RAI1: variants seen among roughly 807,000 people sequenced by gnomAD.
RAI1 encodes retinoic acid induced 1, also known as retinoic acid-induced protein 1.
In RAI1, 9 loss-of-function variants were observed where a neutral mutation model predicts 123.8. The ratio of observed to expected loss-of-function variants is 0.07; its 90% CI spans 0.04 to 0.13. The LOEUF is 0.13. Among genes scored for constraint, RAI1 ranks in the 10% least tolerant of loss-of-function variants. The pLI is 1.00. For missense variants in RAI1, 2,256 were observed against 2,545.8 expected, an observed-to-expected ratio of 0.89 and a Z score of 2.45; for synonymous variants, 1,231 against 1,127.3, an observed-to-expected ratio of 1.09 and a Z score of -1.84.
intron 2 of RAI1, among the ~76,000 whole-genome samples, chr17:17,745,504 A>G (rs1287111649): frequency 2.0e-5 from 3 of 151,724 alleles, no homozygotes; most frequent in African/African-American, 4.8e-5. Flanking sequence ...ATCTCGGCTC[A>G]CCGCAACCTC....
At chr17:17,782,380 T>C (rs1042872171) in intron 2 of RAI1, among the ~76,000 whole-genome samples, 1 of 151,376 alleles carries the variant, frequency 6.6e-6, no homozygotes, top group African/African-American at 2.4e-5. Flanking sequence ...GGAGGTGGCG[T>C]TGGGGAGGGC....
In RAI1 at chr17:17,795,728, T is replaced by A. The variant is rs1392032701; in HGVS notation, c.2780T>A (p.Leu927Gln). ...PCHLSGESVILLGPTVGTESK... is the reference protein window; with the variant it reads ...PCHLSGESVIQLGPTVGTESK... ...CACCTCTCAGGGGAGTCCGTCATCC[T>A]GCTGGGCCCTACAGTGGGCACCGAG... is the stretch of plus-strand genomic sequence containing the variant. Residue 927 changes from leucine to glutamine, a missense_variant, in exon 3 of 6, where the codon CTG (leucine) becomes CAG (glutamine). Leu to Gln is a moderately radical substitution (Grantham distance 113, BLOSUM62 -2). Coordinates refer to ENST00000353383, the MANE Select transcript of RAI1 (RefSeq NM_030665.4). The surrounding 1 kb of genome is among the most constrained non-coding windows in gnomAD (Gnocchi z 5.9). The A allele has an allele frequency of 1.2e-6, 2 of 1,613,412 alleles. No individual in the cohort carries two copies. Among genetic ancestry groups the A allele is most frequent in the South Asian group, 2.2e-5 (2 of 91,092 alleles).
chr17:17,713,555 C>T (rs1263013173), intron 1 of RAI1, among the ~76,000 whole-genome samples: 2 of 152,102 alleles, frequency 1.3e-5, no homozygotes, highest in African/African-American at 2.4e-5. Context: ...GCAGGAGAAT[C>T]GCTTGAACCC....
chr17:17,697,510 C>T (rs1256365541), intron 1 of RAI1, among the ~76,000 whole-genome samples: 2 of 152,278 alleles, frequency 1.3e-5, no homozygotes, highest in East Asian at 3.8e-4. Flanking sequence ...ACCTGTTTCA[C>T]TTTACCTGTA....
rs369615949 is a variant in RAI1 at position 17,732,034 on chromosome 17, G to A, written c.-17+7875G>A. On this transcript the variant is annotated intron_variant, in intron 2 of 5. Transcript: ENST00000353383. The stretch of plus-strand genomic sequence containing the variant: ...AATAAGAATGATACCTGGAACCATC[G>A]TGTTCAGAGCTTCCTCTCGGTGAGG... 1.1e-4 allele frequency among the ~76,000 whole-genome samples: 16 copies of A among 152,110 alleles called. No homozygotes were observed. The East Asian group carries it at 2.3e-3, about 22-fold the overall frequency.
At chr17:17,723,245 C>T (rs1460165600) in intron 1 of RAI1, among the ~76,000 whole-genome samples, 1 of 151,766 alleles carries the variant, frequency 6.6e-6, no homozygotes, top group Non-Finnish European at 1.5e-5. Flanking sequence ...TCACACAACC[C>T]CCCTATAAAC....
chr17:17,734,820 CTG>C (rs1916377287), intron 2 of RAI1, among the ~76,000 whole-genome samples: 2 of 152,258 alleles, frequency 1.3e-5, no homozygotes, highest in Admixed American at 1.3e-4. Flanking sequence ...GTGTGCGTAT[CTG>C]TGTGTTCTGA....
chr17:17,797,125 A>G lies in RAI1; in HGVS notation c.4177A>G (p.Thr1393Ala), dbSNP rs750421613. The G allele has an allele frequency of 7.4e-6, 12 of 1,613,936 alleles. No individual in the cohort carries two copies. Among genetic ancestry groups the G allele is most frequent in the Admixed American group, 3.3e-5 (2 of 60,024 alleles). The change falls in exon 3 of 6, where the codon ACT becomes GCT. Residue 1393 changes from threonine (T) to alanine (A), a missense_variant. By Grantham distance (58) the Thr-to-Ala change is moderately conservative. Around this residue, in one of 7 missense-constraint regions of RAI1, gnomAD observed 410 missense variants for 374.6 expected, o/e 1.09. Transcript: ENST00000353383. ...TGTGGGCACCGGGCAGAAGCTCCCA[A>G]CTTCTGGGGCTGATCCGTTATGCAG... The part of the protein sequence containing the change: ...VNVGTGQKLP[T>A]SGADPLCRNP...
intron 2 of RAI1, among the ~76,000 whole-genome samples, chr17:17,741,040 C>T (rs1186185258): frequency 1.3e-5 from 2 of 152,002 alleles, no homozygotes; most frequent in Non-Finnish European, 2.9e-5. Context: ...CGCCCGCCGT[C>T]AGAGCATCCG....
At chr17:17,691,565 C>T (rs939118609) in intron 1 of RAI1, among the ~76,000 whole-genome samples, 10 of 152,216 alleles carry the variant, frequency 6.6e-5, no homozygotes, top group African/African-American at 1.9e-4. Flanking sequence ...GAGGGCACAG[C>T]CCAGGCAAAG....
At chr17:17,777,310 A>G (rs2031381613) in intron 2 of RAI1, 2 of 152,224 alleles carry the variant, frequency 1.3e-5, no homozygotes, top group Non-Finnish European at 2.9e-5. Context: ...AGCTAGGCAG[A>G]TGCTCTGTGC....
chr17:17,773,054 CTGAT>C (rs933660465), intron 2 of RAI1, among the ~76,000 whole-genome samples: 192 of 63,110 alleles, frequency 3.0e-3, no homozygotes, highest in African/African-American at 0.012. Flanking sequence ...CATGGATAGA[CTGAT>C]GGGTGGGTGG....
At chr17:17,695,806 G>A (rs1161375557) in intron 1 of RAI1, among the ~76,000 whole-genome samples, 3 of 152,090 alleles carry the variant, frequency 2.0e-5, no homozygotes, top group Non-Finnish European at 2.9e-5. Context: ...GCAGGTGTGA[G>A]CCACTATGCC....
At chr17:17,778,605 A>G (rs1283250827) in intron 2 of RAI1, 2 of 394,746 alleles carry the variant, frequency 5.1e-6, no homozygotes, top group Non-Finnish European at 5.1e-6. Flanking sequence ...ATGGGGGCAG[A>G]TGGTGGCTCC....
intron 1 of RAI1, among the ~76,000 whole-genome samples, chr17:17,709,278 G>A (rs1915488906): frequency 6.6e-6 from 1 of 152,170 alleles, no homozygotes; most frequent in African/African-American, 2.4e-5. Flanking sequence ...CTGGGCTCTG[G>A]CCATGCGGCT....
chr17:17,811,136 C>A lies in RAI1; in HGVS notation c.*1155C>A. On this transcript the variant is annotated 3_prime_UTR_variant, in exon 6 of 6. Coordinates refer to ENST00000353383, the MANE Select transcript of RAI1 (RefSeq NM_030665.4). The stretch of plus-strand genomic sequence containing the variant: ...TCAGCTCTGTCCACGCTTCGATAGG[C>A]CTGACGCAGCCCCCAGCCCAGGGCC... 1 of 282,662 alleles carries A rather than the reference C, an allele frequency of 3.5e-6. No individual in the cohort carries two copies. Among genetic ancestry groups the A allele is most frequent in the South Asian group, 3.1e-5 (1 of 32,246 alleles). 17.5% of individuals were successfully genotyped at this position (282,662 alleles called of 1,614,324 possible). A position where few individuals can be genotyped will look rare whatever the true frequency, so the allele number is the denominator to read the frequency against.
In RAI1 at chr17:17,795,294, G is replaced by A; in HGVS notation, c.2346G>A (p.Gly782=). The change falls in exon 3 of 6, where the codon GGG becomes GGA. Residue 782 remains glycine, a synonymous_variant. Transcript: ENST00000353383. This position sits in a 1 kb window ranked among gnomAD's most constrained non-coding sequence, Gnocchi z 5.9. ...AGGCCTCAGATGGCATCAGCAAAGG[G>A]GACACCCATGAGGCTTCGGCCTGCC... ...GGKASDGISK[G]DTHEASACLG... 1.2e-6 allele frequency: 2 copies of A among 1,612,796 alleles called. No homozygotes were observed. Among genetic ancestry groups the A allele is most frequent in the African/African-American group, 2.7e-5 (2 of 74,982 alleles).
In RAI1 at chr17:17,751,498, G is replaced by A. The variant is rs80091910; in HGVS notation, c.-17+27339G>A. ...GTGTTTTCCCCTTGTCCGTAGAGAAGGAAAGGGTAGCAAAAAAAGAAGGAA... is the reference window on the plus strand; with the variant it reads ...GTGTTTTCCCCTTGTCCGTAGAGAAAGAAAGGGTAGCAAAAAAAGAAGGAA... On this transcript the variant is annotated intron_variant, in intron 2 of 5. Transcript: ENST00000353383. Among the ~76,000 whole-genome samples, 659 of 152,308 alleles carry A rather than the reference G, an allele frequency of 4.3e-3. 2 individuals carry two copies. The highest frequency in any genetic ancestry group is 0.015 in the African/African-American group (620 of 41,556).
In RAI1 at chr17:17,792,923, C is replaced by A. The variant is rs750904492; in HGVS notation, c.-16-10C>A. On this transcript the variant is annotated splice_polypyrimidine_tract_variant and intron_variant, in intron 2 of 5. Coordinates refer to ENST00000353383, the MANE Select transcript of RAI1 (RefSeq NM_030665.4). ...TCCCTCCCTCCCTCCCTTCCTTTTT[C>A]TTTTCACAGATAACCAGCCCGAGTC... 2 of 522,600 alleles carry A rather than the reference C, an allele frequency of 3.8e-6. No individual in the cohort carries two copies. Among genetic ancestry groups the A allele is most frequent in the Middle Eastern group, 3.7e-4 (1 of 2,694 alleles). The allele number at this position is 522,600 out of a possible 1,614,324, so 32.4% of individuals were successfully genotyped here.
Sources: allele counts gnomAD v4.1 joint callset (sites outside exome capture counted in the v4.1 genomes callset), GRCh38; gene constraint gnomAD v4.1.1; regional missense constraint gnomAD v4.1.1; non-coding constraint Gnocchi (gnomAD v3.1); transcripts MANE v1.5; gene names NCBI Gene and HGNC (gene_info 2026-07-23, HGNC 2026-07-21).